CNTNAP2: variants seen among roughly 807,000 people sequenced by gnomAD.
CNTNAP2 encodes contactin associated protein 2, also known as contactin-associated protein-like 2.
A neutral mutation model predicts 155.2 loss-of-function variants in CNTNAP2; 98 were observed. That is an observed-to-expected ratio of 0.63 (90% confidence interval 0.54 to 0.75). The LOEUF (loss-of-function observed/expected upper bound fraction) is 0.75. Among genes scored for constraint, CNTNAP2 ranks in the 30% least tolerant of loss-of-function variants. The probability of loss-of-function intolerance (pLI) is 0.00; values close to 1 mark genes in which losing one functional copy is unlikely to be tolerated. For missense variants in CNTNAP2, 1,727 were observed against 1,688.1 expected (o/e 1.02, Z -0.40); for synonymous variants, 651 against 631.2 (o/e 1.03, Z -0.47).
chr7:146,510,992 G>T (rs1292041291), intron 1 of CNTNAP2, among the ~76,000 whole-genome samples: 1 of 152,086 alleles, frequency 6.6e-6, no homozygotes, highest in Non-Finnish European at 1.5e-5. Context: ...CACCTCCCGG[G>T]TTCACACCAT....
intron 3 of CNTNAP2, among the ~76,000 whole-genome samples, chr7:146,846,124 C>T (rs1803836414): frequency 1.3e-5 from 2 of 152,166 alleles, no homozygotes; most frequent in Admixed American, 6.5e-5. Context: ...ATCCTGTCGC[C>T]TGCCCCTACA....
intron 11 of CNTNAP2, among the ~76,000 whole-genome samples, chr7:147,493,297 C>G (rs1009372767): frequency 6.6e-6 from 1 of 152,180 alleles, no homozygotes; most frequent in African/African-American, 2.4e-5. Context: ...TCTTTCTAAT[C>G]GAGATATGGT....
At chr7:148,244,497 T>A (rs1225337061) in intron 20 of CNTNAP2, among the ~76,000 whole-genome samples, 1 of 152,088 alleles carries the variant, frequency 6.6e-6, no homozygotes, top group Non-Finnish European at 1.5e-5. Context: ...ATATTTATGT[T>A]TTAATTACTA....
At chr7:147,177,084 T>C (rs1176356433) in intron 8 of CNTNAP2, among the ~76,000 whole-genome samples, 2 of 148,608 alleles carry the variant, frequency 1.3e-5, no homozygotes, top group Non-Finnish European at 3.0e-5. Context: ...TATAATATAA[T>C]AGAATCATAT....
intron 8 of CNTNAP2, among the ~76,000 whole-genome samples, chr7:147,246,596 C>G (rs906587667): frequency 3.3e-5 from 5 of 152,120 alleles, no homozygotes; most frequent in African/African-American, 1.2e-4. Context: ...GTTCTGTTCT[C>G]ATAATCTAAT....
At chr7:148,364,652 T>TG (rs991728121) in intron 21 of CNTNAP2, among the ~76,000 whole-genome samples, 6 of 152,128 alleles carry the variant, frequency 3.9e-5, no homozygotes, top group African/African-American at 1.4e-4. Context: ...ACTAATCTGA[T>TG]GGGGATGTGG....
intron 1 of CNTNAP2, among the ~76,000 whole-genome samples, chr7:146,481,009 T>TG (rs1257444660): frequency 1.1e-4 from 17 of 151,856 alleles, no homozygotes; most frequent in African/African-American, 2.7e-4. Context: ...ATGAAAATTT[T>TG]TTTTTTCAAA....
At position 146,339,445 on chromosome 7, in the gene CNTNAP2, G is replaced by A. The variant is rs533138021; in HGVS notation, c.97+222472G>A. On this transcript the variant is annotated intron_variant, in intron 1 of 23. Coordinates refer to ENST00000361727, the MANE Select transcript of CNTNAP2 (RefSeq NM_014141.6). ...ATATACAATTATTCCATAGTGACATGTCCTAAGATAATTTTCATATTCATA... is the reference window on the plus strand; with the variant it reads ...ATATACAATTATTCCATAGTGACATATCCTAAGATAATTTTCATATTCATA... Among the ~76,000 whole-genome samples, 12 of 152,212 alleles carry A rather than the reference G, an allele frequency of 7.9e-5. No individual in the cohort carries two copies. The South Asian group carries it at 2.5e-3, about 32-fold the overall frequency.
intron 11 of CNTNAP2, among the ~76,000 whole-genome samples, chr7:147,558,674 A>C (rs1584812135): frequency 6.6e-6 from 1 of 151,764 alleles, no homozygotes; most frequent in Admixed American, 6.6e-5. Flanking sequence ...AAGAAAAAGA[A>C]AACTTTTTTC....
chr7:147,217,195 T>C (rs1458689618), intron 8 of CNTNAP2, among the ~76,000 whole-genome samples: 1 of 151,926 alleles, frequency 6.6e-6, no homozygotes, highest in Non-Finnish European at 1.5e-5. Flanking sequence ...ATGGCGAAAA[T>C]AAGTGGTAAG....
chr7:148,415,294 T>C, intron 23 of CNTNAP2, 123 bp from the exon 24 acceptor site: 1 of 982,312 alleles, frequency 1.0e-6, no homozygotes, highest in South Asian at 1.4e-5. Flanking sequence ...ATCTTTGTTG[T>C]TTTGGAGGTT....
At chr7:148,164,611 C>CTTTTTTTT (rs1175888434) in intron 17 of CNTNAP2, among the ~76,000 whole-genome samples, 2 of 93,488 alleles carry the variant, frequency 2.1e-5, no homozygotes, top group Non-Finnish European at 3.8e-5. Context: ...TTTTCTCTCT[C>CTTTTTTTT]TTTTTTTTTT....
intron 3 of CNTNAP2, among the ~76,000 whole-genome samples, chr7:146,944,788 G>C (rs1280469725): frequency 6.6e-6 from 1 of 151,980 alleles, no homozygotes; most frequent in Non-Finnish European, 1.5e-5. Context: ...TGAGGCAGGA[G>C]AATGGCGTGA....
At chr7:147,444,802 C>T (rs1179922749) in intron 10 of CNTNAP2, among the ~76,000 whole-genome samples, 1 of 152,060 alleles carries the variant, frequency 6.6e-6, no homozygotes, top group Non-Finnish European at 1.5e-5. Context: ...TGTATTAGTC[C>T]GTTATCACAC....
intron 1 of CNTNAP2, among the ~76,000 whole-genome samples, chr7:146,223,220 G>C (rs1354969669): frequency 6.6e-6 from 1 of 152,178 alleles, no homozygotes; most frequent in Non-Finnish European, 1.5e-5. Context: ...GTTGAAACTA[G>C]CCAGTCTGTA....
chr7:147,769,752 T>C (rs1166166469), intron 13 of CNTNAP2, among the ~76,000 whole-genome samples: 2 of 152,162 alleles, frequency 1.3e-5, no homozygotes, highest in African/African-American at 2.4e-5. Context: ...GGGCAAGATA[T>C]GTATAAGAAA....
intron 12 of CNTNAP2, among the ~76,000 whole-genome samples, chr7:147,586,539 A>AAGGAAGGAAGGAAGGAAGGAAGGAAGGG (rs1563009735): frequency 3.6e-5 from 2 of 54,964 alleles, no homozygotes; most frequent in African/African-American, 1.5e-4. Context: ...GGAAGGAAGG[A>AAGGAAGGAAGGAAGGAAGGAAGGAAGGG]AGGAAGGGAG....
intron 14 of CNTNAP2, among the ~76,000 whole-genome samples, chr7:147,922,454 T>G (rs2708264): frequency 0.081 from 12,300 of 152,282 alleles, 696 homozygotes; most frequent in African/African-American, 0.14. Context: ...GGTTGCCTTA[T>G]AGTCTTCCAT....
intron 1 of CNTNAP2, among the ~76,000 whole-genome samples, chr7:146,394,791 T>C (rs147679480): frequency 6.6e-6 from 1 of 152,298 alleles, no homozygotes; most frequent in Non-Finnish European, 1.5e-5. Flanking sequence ...TACAGTTTTG[T>C]TTCATGCATA....
Sources: allele counts gnomAD v4.1 joint callset (sites outside exome capture counted in the v4.1 genomes callset), GRCh38; gene constraint gnomAD v4.1.1; transcripts MANE v1.5; gene names NCBI Gene and HGNC (gene_info 2026-07-23, HGNC 2026-07-21).